The following PACRG variants were observed in gnomAD, a reference collection of about 807,000 sequenced individuals.
The protein encoded by PACRG is parkin coregulated.
Under a neutral mutation model 29.7 loss-of-function variants are expected in PACRG, and 29 were observed. The observed-to-expected ratio is 0.98, with a 90% CI of 0.73 to 1.33. PACRG has a LOEUF of 1.33. Among genes scored for constraint, PACRG ranks in the 40% most tolerant of loss-of-function variants. The probability of loss-of-function intolerance (pLI) is 0.00; values close to 1 mark genes in which losing one functional copy is unlikely to be tolerated. For missense variants in PACRG, 279 were observed against 316.2 expected, an observed-to-expected ratio of 0.88 and a Z score of 0.89; for synonymous variants, 116 against 118.7, an observed-to-expected ratio of 0.98 and a Z score of 0.15.
chr6:162,822,939 G>T (rs1787968615), intron 2 of PACRG, among the ~76,000 whole-genome samples: 1 of 151,872 alleles, frequency 6.6e-6, no homozygotes, highest in African/African-American at 2.4e-5. Flanking sequence ...ATGTTATTAT[G>T]TTATGTATAT....
At chr6:162,837,078 A>C (rs558639822) in intron 2 of PACRG, among the ~76,000 whole-genome samples, 1 of 152,160 alleles carries the variant, frequency 6.6e-6, no homozygotes, top group East Asian at 1.9e-4. Flanking sequence ...AAATAATTGG[A>C]TGTAATAAGT....
At chr6:163,297,927 T>C (rs564086560) in intron 4 of PACRG, among the ~76,000 whole-genome samples, 87 of 152,202 alleles carry the variant, frequency 5.7e-4, no homozygotes, top group Non-Finnish European at 1.0e-3. Flanking sequence ...CTCACAATGA[T>C]GGACTGACCG....
At chr6:163,069,699 T>C (rs1811870104) in intron 3 of PACRG, among the ~76,000 whole-genome samples, 1 of 152,108 alleles carries the variant, frequency 6.6e-6, no homozygotes, top group Non-Finnish European at 1.5e-5. Context: ...CTAAGAGTTA[T>C]TGGCCTTAAA....
chr6:163,045,621 C>CA (rs1266371850), intron 2 of PACRG, among the ~76,000 whole-genome samples: 1 of 105,884 alleles, frequency 9.4e-6, no homozygotes, highest in Non-Finnish European at 1.8e-5. Flanking sequence ...CTGCGCCCAG[C>CA]TTTTTTTTTT....
chr6:162,747,582 A>G (rs1781182859), intron 1 of PACRG, among the ~76,000 whole-genome samples: 2 of 148,742 alleles, frequency 1.3e-5, no homozygotes, highest in South Asian at 4.3e-4. Flanking sequence ...GGTATATTAG[A>G]CAAAATTGAA....
chr6:162,946,276 A>G (rs1451852395), intron 2 of PACRG, among the ~76,000 whole-genome samples: 2 of 151,892 alleles, frequency 1.3e-5, no homozygotes, highest in Non-Finnish European at 2.9e-5. Flanking sequence ...TGAAAAGAAA[A>G]CCTCAAATAA....
At chr6:162,747,448 ATATAACTATAAATATATATGTAAAAC>A (rs1562557086) in intron 1 of PACRG, among the ~76,000 whole-genome samples, 1 of 120,734 alleles carries the variant, frequency 8.3e-6, no homozygotes, top group African/African-American at 3.4e-5. Context: ...CTATATATAT[ATATAACTATAAATATATATGTAAAAC>A]TATATATATA....
At chr6:163,075,383 T>TACAC (rs1245887400) in intron 3 of PACRG, among the ~76,000 whole-genome samples, 3 of 152,194 alleles carry the variant, frequency 2.0e-5, no homozygotes, top group African/African-American at 7.2e-5. Flanking sequence ...AACTGGAGAA[T>TACAC]ACACACTTCA....
chr6:162,933,277 A>C (rs1027879045), intron 2 of PACRG, among the ~76,000 whole-genome samples: 3 of 152,098 alleles, frequency 2.0e-5, no homozygotes, highest in Non-Finnish European at 4.4e-5. Flanking sequence ...TATATGGTTT[A>C]TCCTGGAGAA....
At chr6:162,985,555 C>G (rs1802816822) in intron 2 of PACRG, among the ~76,000 whole-genome samples, 1 of 151,996 alleles carries the variant, frequency 6.6e-6, no homozygotes, top group Admixed American at 6.6e-5. Context: ...ACAGACATAT[C>G]TTAACATAAT....
At chr6:162,829,702 T>G (rs1259531163) in intron 2 of PACRG, among the ~76,000 whole-genome samples, 1 of 152,152 alleles carries the variant, frequency 6.6e-6, no homozygotes, top group Non-Finnish European at 1.5e-5. Flanking sequence ...TTGCCTTTTC[T>G]CTTCAGAGAT....
intron 2 of PACRG, among the ~76,000 whole-genome samples, chr6:162,921,494 C>A (rs75594236): frequency 0.02 from 3,025 of 152,248 alleles, 44 homozygotes; most frequent in Non-Finnish European, 0.032. Flanking sequence ...CTCTTCTTGA[C>A]ACTTTTGTTC....
Position 163,166,077 on chromosome 6 carries a change from G to A in PACRG, c.613+76669G>A, listed in dbSNP as rs1219353052. 14 of 456,148 alleles carry A rather than the reference G, an allele frequency of 3.1e-5. No homozygotes were observed. The East Asian group carries it at 4.9e-4, about 16-fold the overall frequency. 28.3% of individuals were successfully genotyped at this position (456,148 alleles called of 1,614,324 possible). On this transcript the variant is annotated intron_variant, in intron 4 of 4. Transcript: ENST00000366888. Reference sequence around the variant, plus strand: ...GTAATGAAAGACAGATGCATTGTTTGGAGTAACACAGAAGCTCCAATTCCT... The same window carrying A: ...GTAATGAAAGACAGATGCATTGTTTAGAGTAACACAGAAGCTCCAATTCCT...
chr6:163,166,066 A>T (rs1388921288), intron 4 of PACRG: 1 of 455,944 alleles, frequency 2.2e-6, no homozygotes, highest in African/African-American at 2.0e-5. Context: ...TGAAAGACAG[A>T]TGCATTGTTT....
At chr6:163,172,982 C>T (rs1779158060) in intron 4 of PACRG, among the ~76,000 whole-genome samples, 1 of 152,098 alleles carries the variant, frequency 6.6e-6, no homozygotes, top group Admixed American at 6.6e-5. Context: ...ATTATATCAC[C>T]ATTTAAATGA....
Position 163,166,617 on chromosome 6 carries a change from G to A in PACRG, c.613+77209G>A, listed in dbSNP as rs139220340. On this transcript the variant is annotated intron_variant, in intron 4 of 4. Coordinates refer to ENST00000366888, the MANE Select transcript of PACRG (RefSeq NM_001080379.2). Reference sequence around the variant, plus strand: ...CCCTTCTGTATAATTAAATCATATGGAAAAATGTCACAAAGCAAAATAAAA... The same window carrying A: ...CCCTTCTGTATAATTAAATCATATGAAAAAATGTCACAAAGCAAAATAAAA... Among the ~76,000 whole-genome samples the A allele has an allele frequency of 7.7e-4, 117 of 152,240 alleles. 1 individual carries two copies. The highest frequency in any genetic ancestry group is 2.7e-3 in the African/African-American group (111 of 41,530).
At chr6:163,192,871 C>G (rs567312555) in intron 4 of PACRG, among the ~76,000 whole-genome samples, 1 of 152,190 alleles carries the variant, frequency 6.6e-6, no homozygotes, top group Non-Finnish European at 1.5e-5. Flanking sequence ...AGGCAGCCAT[C>G]ACTCGATTTC....
At chr6:162,839,359 T>C (rs1278603387) in intron 2 of PACRG, among the ~76,000 whole-genome samples, 2 of 128,316 alleles carry the variant, frequency 1.6e-5, no homozygotes, top group South Asian at 2.8e-4. Context: ...ATGAGCATTT[T>C]TTCATGTGTT....
intron 4 of PACRG, among the ~76,000 whole-genome samples, chr6:163,253,336 G>A (rs1471354098): frequency 6.7e-6 from 1 of 148,456 alleles, no homozygotes; most frequent in African/African-American, 2.5e-5. Flanking sequence ...AAAGAAATCA[G>A]AAAATGTAAA....
Sources: gnomAD v4.1 joint callset for allele counts (sites outside exome capture counted in the v4.1 genomes callset) on GRCh38, gnomAD v4.1.1 for gene constraint, MANE v1.5 for transcripts, NCBI Gene and HGNC (gene_info 2026-07-23, HGNC 2026-07-21) for gene names.